The following TRPS1 variants were observed in gnomAD, a reference collection of about 807,000 sequenced individuals.
TRPS1 encodes transcriptional repressor GATA binding 1.
Under a neutral mutation model 101.2 loss-of-function variants are expected in TRPS1, and 6 were observed. That is an observed-to-expected ratio of 0.06 (90% CI 0.03 to 0.12). TRPS1 has a LOEUF of 0.12. Among genes scored for constraint, TRPS1 ranks in the 10% least tolerant of loss-of-function variants. TRPS1 has a pLI of 1.00. For missense variants in TRPS1, 1,363 were observed against 1,567.0 expected, an observed-to-expected ratio of 0.87 and a Z score of 2.20; for synonymous variants, 578 against 589.8, an observed-to-expected ratio of 0.98 and a Z score of 0.29.
intron 3 of TRPS1, among the ~76,000 whole-genome samples, chr8:115,609,751 A>G (rs1216862982): frequency 6.6e-6 from 1 of 152,250 alleles, no homozygotes; most frequent in African/African-American, 2.4e-5. Flanking sequence ...TCACTGACTA[A>G]GGACTAGCAT....
intron 1 of TRPS1, among the ~76,000 whole-genome samples, chr8:115,649,225 G>A (rs1455844550): frequency 6.6e-6 from 1 of 151,996 alleles, no homozygotes; most frequent in Non-Finnish European, 1.5e-5. Flanking sequence ...AATGAATTAG[G>A]GCCTAAGGAG....
intron 4 of TRPS1, 145 bp downstream of exon 4, chr8:115,603,728 T>G: frequency 1.0e-6 from 1 of 953,348 alleles, no homozygotes; most frequent in Non-Finnish European, 1.6e-6. Context: ...TGCAAATCTG[T>G]GATGAACTTT....
At chr8:115,525,495 G>A (rs1331998152) in intron 5 of TRPS1, among the ~76,000 whole-genome samples, 1 of 152,010 alleles carries the variant, frequency 6.6e-6, no homozygotes, top group African/African-American at 2.4e-5. Context: ...TGGTGGGACA[G>A]GCAGCAGAAA....
intron 4 of TRPS1, 88 bp from the exon 5 acceptor site, chr8:115,587,692 C>T: frequency 6.3e-7 from 1 of 1,599,508 alleles, no homozygotes; most frequent in South Asian, 1.1e-5. Flanking sequence ...GAATTTTCTA[C>T]CTACTCATGC....
intron 1 of TRPS1, among the ~76,000 whole-genome samples, chr8:115,647,002 GTTTT>G (rs1381786422): frequency 7.0e-6 from 1 of 142,270 alleles, no homozygotes; most frequent in Non-Finnish European, 1.6e-5. Context: ...TCCTTATGTT[GTTTT>G]TTGTTTATTT....
intron 4 of TRPS1, among the ~76,000 whole-genome samples, chr8:115,602,322 C>CATGCACA (rs1817926877): frequency 6.6e-6 from 1 of 152,138 alleles, no homozygotes; most frequent in Non-Finnish European, 1.5e-5. Context: ...AACACATGTA[C>CATGCACA]ATGCACAATG....
At chr8:115,638,299 C>T (rs775291280) in intron 1 of TRPS1, among the ~76,000 whole-genome samples, 25 of 152,264 alleles carry the variant, frequency 1.6e-4, no homozygotes, top group Non-Finnish European at 2.6e-4. Flanking sequence ...GAAGTAGGAA[C>T]GCTGTAAAGT....
At position 115,623,704 on chromosome 8, in the gene TRPS1, G is replaced by T; in HGVS notation, c.-67C>A. ...CAACTAGCAGGAGGCTAATGCAATT[G>T]TCTTAGAAGACGCTCAGAAGACACA... is the stretch of plus-strand genomic sequence containing the variant. On this transcript the variant is annotated 5_prime_UTR_variant, in exon 2 of 7. Coordinates refer to ENST00000395715, the MANE Select transcript of TRPS1 (RefSeq NM_014112.5). 1 of 1,590,784 alleles carries T rather than the reference G, an allele frequency of 6.3e-7. No homozygotes were observed. Among genetic ancestry groups the T allele is most frequent in the Non-Finnish European group, 8.6e-7 (1 of 1,167,378 alleles).
At chr8:115,574,593 A>C (rs1327959302) in intron 5 of TRPS1, among the ~76,000 whole-genome samples, 1 of 152,178 alleles carries the variant, frequency 6.6e-6, no homozygotes, top group African/African-American at 2.4e-5. Context: ...AATAGCTGTA[A>C]GCAAATGAAA....
chr8:115,421,146 G>A (rs184341097), intron 5 of TRPS1, among the ~76,000 whole-genome samples: 23 of 151,900 alleles, frequency 1.5e-4, no homozygotes, highest in African/African-American at 4.8e-4. Context: ...CACCATGACC[G>A]GCTAATTTTC....
intron 5 of TRPS1, among the ~76,000 whole-genome samples, chr8:115,507,426 T>C (rs923509459): frequency 6.6e-6 from 1 of 152,042 alleles, no homozygotes; most frequent in African/African-American, 2.4e-5. Flanking sequence ...CCAGTGTATG[T>C]TACTCCTCGG....
At chr8:115,600,509 G>A (rs900343791) in intron 4 of TRPS1, among the ~76,000 whole-genome samples, 3 of 152,090 alleles carry the variant, frequency 2.0e-5, no homozygotes, top group Admixed American at 6.5e-5. Context: ...ACTCAGATTC[G>A]TCCCCTTCTC....
chr8:115,499,106 T>C (rs1408125324), intron 5 of TRPS1, among the ~76,000 whole-genome samples: 5 of 152,216 alleles, frequency 3.3e-5, no homozygotes, highest in African/African-American at 1.2e-4. Context: ...CATTTTTATT[T>C]ATTAAAAGAG....
chr8:115,484,211 C>G (rs57627889), intron 5 of TRPS1, among the ~76,000 whole-genome samples: 4,968 of 151,738 alleles, frequency 0.033, 264 homozygotes, highest in African/African-American at 0.11. Context: ...ACATTCCTCC[C>G]ATCTTTACCA....
chr8:115,604,628 G>A lies in TRPS1; in HGVS notation c.1341C>T (p.Tyr447=). 6.2e-6 allele frequency: 10 copies of A among 1,614,000 alleles called. No homozygotes were observed. The highest frequency in any genetic ancestry group is 7.6e-6 in the Non-Finnish European group (9 of 1,179,998). The change falls in exon 4 of 7, where the codon TAC becomes TAT. Residue 447 remains tyrosine, a synonymous_variant. Coordinates refer to ENST00000395715, the MANE Select transcript of TRPS1 (RefSeq NM_014112.5). This position sits in a 1 kb window ranked among gnomAD's most constrained non-coding sequence, Gnocchi z 4.1. ...AGCTGAAACTACAAAATTTACACCA[G>A]TAGTAACTGGTGGCCTCTGTACCAT... ...RQNGTEATSY[Y]WCKFCSFSCE...
chr8:115,535,255 A>ATATATAGC (rs1816270093), intron 5 of TRPS1, among the ~76,000 whole-genome samples: 1 of 33,938 alleles, frequency 2.9e-5, no homozygotes, highest in South Asian at 8.8e-4. Flanking sequence ...CATATATAGC[A>ATATATAGC]TATATATAGC....
intron 5 of TRPS1, among the ~76,000 whole-genome samples, chr8:115,555,051 A>T (rs1816785369): frequency 6.6e-6 from 1 of 152,184 alleles, no homozygotes; most frequent in Non-Finnish European, 1.5e-5. Flanking sequence ...CTCTTCCCAA[A>T]GTATCTGTGG....
intron 3 of TRPS1, among the ~76,000 whole-genome samples, chr8:115,612,413 A>C (rs1043284272): frequency 6.6e-6 from 1 of 152,220 alleles, no homozygotes; most frequent in Admixed American, 6.5e-5. Flanking sequence ...ACAATGGGAC[A>C]CACTGCTCAA....
Position 115,417,153 on chromosome 8 carries a change from A to T in TRPS1, c.2823+1177T>A, listed in dbSNP as rs546002509. 3.3e-4 allele frequency among the ~76,000 whole-genome samples: 51 copies of T among 152,246 alleles called. 1 individual carries two copies. The South Asian group carries it at 0.01, about 30-fold the overall frequency. ...CAGTATTTTAATTAATTTTTGCCCT[A>T]TGATTGGCCAGACTTCAATTAAAAT... On this transcript the variant is annotated intron_variant, in intron 6 of 6. Coordinates refer to ENST00000395715, the MANE Select transcript of TRPS1 (RefSeq NM_014112.5).
Sources: gnomAD v4.1 joint callset for allele counts (sites outside exome capture counted in the v4.1 genomes callset) on GRCh38, gnomAD v4.1.1 for gene constraint, Gnocchi (gnomAD v3.1) non-coding constraint, MANE v1.5 for transcripts, NCBI Gene and HGNC (gene_info 2026-07-23, HGNC 2026-07-21) for gene names.